C1orf94: variants seen among roughly 807,000 people sequenced by gnomAD.
The protein encoded by C1orf94 is chromosome 1 open reading frame 94.
In C1orf94, 45 loss-of-function variants were observed where a neutral mutation model predicts 53.6. The ratio of observed to expected loss-of-function variants is 0.84; its 90% CI spans 0.66 to 1.08. C1orf94 has a LOEUF of 1.08. Ranked by LOEUF, C1orf94 falls within the 50% of genes least tolerant of loss-of-function variation. The pLI, the probability that C1orf94 is intolerant of heterozygous loss-of-function variation, is 0.00. For missense variants in C1orf94, 762 were observed against 738.9 expected, an observed-to-expected ratio of 1.03 and a Z score of -0.36; for synonymous variants, 304 against 296.1, an observed-to-expected ratio of 1.03 and a Z score of -0.27.
chr1:34,173,219 C>T (rs549425192), upstream of C1orf94, among the ~76,000 whole-genome samples: 31 of 152,250 alleles, frequency 2.0e-4, no homozygotes, highest in African/African-American at 6.7e-4. Context: ...AATCACAGCC[C>T]ATCACAAATT....
At chr1:34,210,812 G>A (rs759312813) in intron 5 of C1orf94, among the ~76,000 whole-genome samples, 5 of 152,066 alleles carry the variant, frequency 3.3e-5, no homozygotes, top group Non-Finnish European at 7.4e-5. Flanking sequence ...GTACCACCAC[G>A]CCTGACTAAT....
intron 2 of C1orf94, among the ~76,000 whole-genome samples, chr1:34,198,555 G>A (rs1363966483): frequency 6.6e-6 from 1 of 152,216 alleles, no homozygotes; most frequent in East Asian, 1.9e-4. Context: ...GATCTAACCA[G>A]TCAGACTATA....
intron 2 of C1orf94, among the ~76,000 whole-genome samples, chr1:34,199,888 C>T (rs1032281758): frequency 6.6e-6 from 1 of 152,190 alleles, no homozygotes; most frequent in African/African-American, 2.4e-5. Flanking sequence ...CCCAATACCC[C>T]TGGATGTAAG....
chr1:34,177,056 C>G lies in C1orf94; in HGVS notation c.-734C>G, dbSNP rs1269792252. On this transcript the variant is annotated 5_prime_UTR_variant, in exon 1 of 7. Coordinates refer to ENST00000488417, the MANE Select transcript of C1orf94 (RefSeq NM_001134734.2). ...CAGCGCGCTCTTGAGCCGCTGGGCC[C>G]TTCCCGGTGCCCGCCTGGCAGCGCG... Among the ~76,000 whole-genome samples the G allele has an allele frequency of 1.3e-5, 2 of 152,240 alleles. No homozygotes were observed. Among genetic ancestry groups the G allele is most frequent in the African/African-American group, 4.8e-5 (2 of 41,468 alleles).
chr1:34,189,794 G>C (rs1642453245), intron 1 of C1orf94, among the ~76,000 whole-genome samples: 1 of 152,326 alleles, frequency 6.6e-6, no homozygotes, highest in Non-Finnish European at 1.5e-5. Flanking sequence ...GTCTTCTGCT[G>C]CCTCATCCTC....
At chr1:34,206,687 G>T (rs1642800149) in intron 4 of C1orf94, among the ~76,000 whole-genome samples, 2 of 152,350 alleles carry the variant, frequency 1.3e-5, no homozygotes, top group South Asian at 4.2e-4. Flanking sequence ...TGGAGCTCAT[G>T]GAGGGCTGAG....
intron 6 of C1orf94, among the ~76,000 whole-genome samples, chr1:34,214,461 A>G (rs1213321597): frequency 6.6e-6 from 1 of 152,100 alleles, no homozygotes; most frequent in African/African-American, 2.4e-5. Context: ...GGTGGGGTCT[A>G]GAGGTGGCTC....
Position 34,197,796 on chromosome 1 carries a change from C to A in C1orf94, c.892C>A (p.Pro298Thr), listed in dbSNP as rs778111912. 4 of 1,614,130 alleles carry A rather than the reference C, an allele frequency of 2.5e-6. No individual in the cohort carries two copies. In the African/African-American group the frequency reaches 5.3e-5, roughly 22 times the overall value. ...PFLLLPPRPP[P>T]ARPDKLPELP... Reference sequence around the variant, plus strand: ...TCTGCTGCTGCCTCCCCGACCTCCTCCTGCACGTCCTGACAAGCTCCCTGA... The same window carrying A: ...TCTGCTGCTGCCTCCCCGACCTCCTACTGCACGTCCTGACAAGCTCCCTGA... The change falls in exon 2 of 7, where the codon CCT becomes ACT. Residue 298 changes from proline to threonine, a missense_variant. Pro to Thr is a conservative substitution (Grantham distance 38). Transcript: ENST00000488417. This position sits in a 1 kb window ranked among gnomAD's most constrained non-coding sequence, Gnocchi z 4.1.
chr1:34,187,545 C>A (rs1642401960), intron 1 of C1orf94, among the ~76,000 whole-genome samples: 2 of 151,472 alleles, frequency 1.3e-5, no homozygotes, highest in African/African-American at 2.4e-5. Context: ...TTTTTAATAT[C>A]TTTGTTGCAA....
Position 34,202,242 on chromosome 1 carries a change from A to G in C1orf94, c.1429A>G (p.Thr477Ala), listed in dbSNP as rs1337994048. Residue 477 changes from threonine to alanine, a missense_variant, in exon 4 of 7, where the codon ACC (threonine) becomes GCC (alanine). By Grantham distance (58) the Thr-to-Ala change is moderately conservative. Coordinates refer to ENST00000488417, the MANE Select transcript of C1orf94 (RefSeq NM_001134734.2). ...PPPPVFTNHS[T>A]FLQYQGLYPQ... The stretch of plus-strand genomic sequence containing the variant: ...TCCACCAGTGTTCACGAATCACTCT[A>G]CCTTCTTGCAGTATCAGGTCAGTGA... 1.8e-5 allele frequency: 29 copies of G among 1,613,916 alleles called. No homozygotes were observed. The highest frequency in any genetic ancestry group is 8.9e-5 in the East Asian group (4 of 44,876).
intron 1 of C1orf94, among the ~76,000 whole-genome samples, chr1:34,196,288 C>G (rs1013767803): frequency 3.9e-5 from 6 of 152,178 alleles, no homozygotes; most frequent in African/African-American, 9.7e-5. Flanking sequence ...TGCTATCAGA[C>G]AGGTGCAGAC....
chr1:34,194,273 G>A (rs533137383), intron 1 of C1orf94, among the ~76,000 whole-genome samples: 1 of 152,328 alleles, frequency 6.6e-6, no homozygotes, highest in South Asian at 2.1e-4. Flanking sequence ...ACAACTTATA[G>A]AATGCTCACA....
At chr1:34,213,636 G>A (rs774897868) in intron 6 of C1orf94, among the ~76,000 whole-genome samples, 2 of 152,068 alleles carry the variant, frequency 1.3e-5, no homozygotes, top group African/African-American at 2.4e-5. Context: ...CGCCTCCCAG[G>A]TTCAAGCGAT....
Position 34,193,236 on chromosome 1 carries a change from T to C in C1orf94, c.321-3989T>C, listed in dbSNP as rs955924658. Among the ~76,000 whole-genome samples, 7 of 152,250 alleles carry C rather than the reference T, an allele frequency of 4.6e-5. No homozygotes were observed. The East Asian group carries it at 5.8e-4, about 13-fold the overall frequency. On this transcript the variant is annotated intron_variant, in intron 1 of 6. Coordinates refer to ENST00000488417, the MANE Select transcript of C1orf94 (RefSeq NM_001134734.2). ...ATGATTTATTCCCCCAAAATGTTGA[T>C]CCAGGATTACTGTCAGGCTGGGAGG...
chr1:34,203,356 G>A (rs760673583), intron 4 of C1orf94, among the ~76,000 whole-genome samples: 2 of 152,042 alleles, frequency 1.3e-5, no homozygotes, highest in African/African-American at 2.4e-5. Context: ...TGAACTCCCC[G>A]CCTCATGTGA....
chr1:34,177,753 T>C lies in C1orf94; in HGVS notation c.-37T>C. On this transcript the variant is annotated 5_prime_UTR_variant, in exon 1 of 7. Transcript: ENST00000488417. Reference sequence around the variant, plus strand: ...CGAAAGCCAGACAGAACTGACCCACTTCTGCCAAGCCCCATCCTCATCTCC... The same window carrying C: ...CGAAAGCCAGACAGAACTGACCCACCTCTGCCAAGCCCCATCCTCATCTCC... The C allele has an allele frequency of 6.7e-7, 1 of 1,486,632 alleles. No individual in the cohort carries two copies. Among genetic ancestry groups the C allele is most frequent in the Non-Finnish European group, 9.0e-7 (1 of 1,110,954 alleles). The allele number at this position is 1,486,632 out of a possible 1,614,324, so 92.1% of individuals were successfully genotyped here.
At chr1:34,171,463 A>ATGGC (rs1178163992) in intron 1 of C1orf94, among the ~76,000 whole-genome samples, 2 of 152,040 alleles carry the variant, frequency 1.3e-5, no homozygotes, top group Admixed American at 6.5e-5. Flanking sequence ...AAACAGATGG[A>ATGGC]TGGATGGATG....
intron 1 of C1orf94, among the ~76,000 whole-genome samples, chr1:34,195,089 A>G: frequency 6.6e-6 from 1 of 152,156 alleles, no homozygotes; most frequent in East Asian, 1.9e-4. Flanking sequence ...GGAATAGGTG[A>G]CAAGTCAGGG....
intron 1 of C1orf94, among the ~76,000 whole-genome samples, chr1:34,190,131 T>C (rs1463834701): frequency 3.9e-5 from 6 of 152,218 alleles, no homozygotes; most frequent in Admixed American, 2.0e-4. Flanking sequence ...GAAGATGCTC[T>C]GTATCCCTCA....
Sources: gnomAD v4.1 joint callset for allele counts (sites outside exome capture counted in the v4.1 genomes callset) on GRCh38, gnomAD v4.1.1 for gene constraint, Gnocchi (gnomAD v3.1) non-coding constraint, MANE v1.5 for transcripts, NCBI Gene and HGNC (gene_info 2026-07-23, HGNC 2026-07-21) for gene names.